The following PDE7B variants were observed in gnomAD, a reference collection of about 807,000 sequenced individuals.
PDE7B encodes phosphodiesterase 7B.
A neutral mutation model predicts 56.2 loss-of-function variants in PDE7B; 29 were observed. That is an observed-to-expected ratio of 0.52 (90% confidence interval 0.38 to 0.70). The LOEUF is 0.70. PDE7B is among the 30% of genes least tolerant of loss of function. PDE7B has a pLI of 0.00. For missense variants in PDE7B, 490 were observed against 565.0 expected (o/e 0.87, Z 1.35); for synonymous variants, 197 against 196.9 (o/e 1.00, Z 0.00).
intron 3 of PDE7B, chr6:136,114,780 G>A (rs988471395): frequency 3.9e-5 from 6 of 152,226 alleles, no homozygotes; most frequent in Non-Finnish European, 8.8e-5. Context: ...ACTTGTGAGT[G>A]CCAAGGTAAC....
intron 1 of PDE7B, among the ~76,000 whole-genome samples, chr6:135,856,403 A>T (rs1401988797): frequency 1.3e-5 from 2 of 152,230 alleles, no homozygotes; most frequent in Non-Finnish European, 2.9e-5. Context: ...GATTTTCTAT[A>T]TTACTTCACT....
At chr6:136,029,976 A>G (rs528547445) in intron 2 of PDE7B, among the ~76,000 whole-genome samples, 1 of 152,314 alleles carries the variant, frequency 6.6e-6, no homozygotes, top group South Asian at 2.1e-4. Context: ...TTCTCCTGCC[A>G]TTACCGGGGA....
intron 1 of PDE7B, among the ~76,000 whole-genome samples, chr6:135,930,610 G>T (rs143004991): frequency 3.8e-4 from 58 of 152,268 alleles, no homozygotes; most frequent in African/African-American, 1.3e-3. Flanking sequence ...AAAGGACTCG[G>T]CAATGCATTC....
At chr6:135,982,301 C>A (rs1480517666) in intron 2 of PDE7B, among the ~76,000 whole-genome samples, 1 of 152,198 alleles carries the variant, frequency 6.6e-6, no homozygotes, top group Non-Finnish European at 1.5e-5. Context: ...GAAGTAAGAA[C>A]AAGAGCCTGT....
chr6:136,070,060 G>A (rs189969970), intron 2 of PDE7B, among the ~76,000 whole-genome samples: 5 of 151,880 alleles, frequency 3.3e-5, no homozygotes, highest in Admixed American at 3.3e-4. Context: ...ATATTAAGTT[G>A]CAGGGAACTG....
At chr6:135,956,074 C>T (rs1396774360) in intron 2 of PDE7B, among the ~76,000 whole-genome samples, 1 of 152,072 alleles carries the variant, frequency 6.6e-6, no homozygotes, top group Non-Finnish European at 1.5e-5. Context: ...TTTGGAATGC[C>T]CAGAAGCATC....
At chr6:136,113,024 G>A (rs1001074242) in intron 3 of PDE7B, among the ~76,000 whole-genome samples, 9 of 152,120 alleles carry the variant, frequency 5.9e-5, no homozygotes, top group Admixed American at 1.3e-4. Context: ...TCCCAAAAAA[G>A]AGTATTTAAA....
chr6:135,959,548 T>G (rs1774860797), intron 2 of PDE7B, among the ~76,000 whole-genome samples: 1 of 152,112 alleles, frequency 6.6e-6, no homozygotes, highest in Admixed American at 6.6e-5. Flanking sequence ...ATAGAATGGG[T>G]TTGTTAATAA....
intron 2 of PDE7B, among the ~76,000 whole-genome samples, chr6:136,015,299 T>C (rs113443532): frequency 0.011 from 1,746 of 152,334 alleles, 41 homozygotes; most frequent in African/African-American, 0.039. Context: ...TTGCGCAGGC[T>C]TACACAATTG....
intron 2 of PDE7B, among the ~76,000 whole-genome samples, chr6:136,074,616 C>CCTAT (rs1242429884): frequency 6.6e-6 from 1 of 152,102 alleles, no homozygotes; most frequent in Non-Finnish European, 1.5e-5. Context: ...CATTCTACTC[C>CCTAT]CTATCTCCAT....
intron 2 of PDE7B, among the ~76,000 whole-genome samples, chr6:135,968,106 G>T (rs752987625): frequency 2.0e-5 from 3 of 152,158 alleles, no homozygotes; most frequent in Non-Finnish European, 4.4e-5. Flanking sequence ...CTAGCCATAT[G>T]CAGAAAATTC....
intron 2 of PDE7B, among the ~76,000 whole-genome samples, chr6:136,069,843 TAAAGA>T (rs1185567842): frequency 2.0e-5 from 3 of 152,050 alleles, no homozygotes; most frequent in Non-Finnish European, 4.4e-5. Context: ...ATGAAGTGCT[TAAAGA>T]ATCAGTTTAA....
chr6:135,992,195 T>C (rs1002547573), intron 2 of PDE7B, among the ~76,000 whole-genome samples: 2 of 141,648 alleles, frequency 1.4e-5, no homozygotes, highest in African/African-American at 5.4e-5. Flanking sequence ...CTAATACTAA[T>C]GATACCTGAT....
intron 1 of PDE7B, among the ~76,000 whole-genome samples, chr6:135,926,458 G>A (rs1221956317): frequency 6.6e-6 from 1 of 151,840 alleles, no homozygotes; most frequent in Non-Finnish European, 1.5e-5. Flanking sequence ...AGAGGACAAA[G>A]GGTGTGGTCT....
intron 8 of PDE7B, among the ~76,000 whole-genome samples, chr6:136,163,598 G>A (rs537788707): frequency 1.3e-5 from 2 of 152,326 alleles, no homozygotes; most frequent in East Asian, 3.9e-4. Context: ...TCTGCAGCTG[G>A]CTTGAATTTC....
chr6:135,870,195 ATT>A (rs1045986586), intron 1 of PDE7B, among the ~76,000 whole-genome samples: 2 of 152,188 alleles, frequency 1.3e-5, no homozygotes, highest in Admixed American at 1.3e-4. Flanking sequence ...CAGTGTTCAG[ATT>A]TGGGTATTTA....
At chr6:136,115,333 C>A (rs1390123032) in intron 3 of PDE7B, among the ~76,000 whole-genome samples, 1 of 151,944 alleles carries the variant, frequency 6.6e-6, no homozygotes, top group Non-Finnish European at 1.5e-5. Context: ...AAAACACAAG[C>A]AGATTATGGA....
At chr6:136,041,912 C>T (rs866706613) in intron 2 of PDE7B, among the ~76,000 whole-genome samples, 1 of 152,164 alleles carries the variant, frequency 6.6e-6, no homozygotes, top group African/African-American at 2.4e-5. Context: ...TTGCCCAACT[C>T]TGGTCCACAG....
At chr6:136,098,502 T>C (rs1268687378) in intron 2 of PDE7B, among the ~76,000 whole-genome samples, 1 of 152,188 alleles carries the variant, frequency 6.6e-6, no homozygotes, top group Admixed American at 6.5e-5. Context: ...ATGATTTTCT[T>C]TCAATTCTAA....
Sources: allele counts gnomAD v4.1 joint callset (sites outside exome capture counted in the v4.1 genomes callset), GRCh38; gene constraint gnomAD v4.1.1; transcripts MANE v1.5; gene names NCBI Gene and HGNC (gene_info 2026-07-23, HGNC 2026-07-21).